RNF157: variants seen among roughly 807,000 people sequenced by gnomAD.
RNF157 encodes E3 ubiquitin ligase RNF157.
RNF157 carries 55 observed loss-of-function variants against 88.3 expected under a neutral mutation model. That is an observed-to-expected ratio of 0.62 (90% CI 0.50 to 0.78). The LOEUF (loss-of-function observed/expected upper bound fraction) is 0.78, where lower values mean the gene tolerates loss of function less well. Ranked by LOEUF, RNF157 falls within the 30% of genes least tolerant of loss-of-function variation. The pLI, the probability that RNF157 is intolerant of heterozygous loss-of-function variation, is 0.00. For synonymous variants in RNF157, 334 were observed against 341.2 expected, an observed-to-expected ratio of 0.98 and a Z score of 0.23; for missense variants, 788 against 860.8, an observed-to-expected ratio of 0.92 and a Z score of 1.06.
chr17:76,155,401 G>C, intron 15 of RNF157, 84 bp from the exon 16 acceptor site: 3 of 1,490,412 alleles, frequency 2.0e-6, no homozygotes. Context: ...CAAAATTGGT[G>C]TCAAATAGGA....
chr17:76,226,947 T>A, intron 1 of RNF157: 1 of 650,772 alleles, frequency 1.5e-6, no homozygotes, highest in Non-Finnish European at 2.6e-6. Context: ...CTGGTGCTGC[T>A]GCCGCCGCTG....
chr17:76,214,793 G>C (rs1313865991), intron 1 of RNF157, among the ~76,000 whole-genome samples: 1 of 152,132 alleles, frequency 6.6e-6, no homozygotes, highest in Non-Finnish European at 1.5e-5. Flanking sequence ...CAGCAGTCAG[G>C]GGCCAAAATT....
At chr17:76,224,644 G>A (rs985710680) in intron 1 of RNF157, among the ~76,000 whole-genome samples, 1 of 151,316 alleles carries the variant, frequency 6.6e-6, no homozygotes, top group Non-Finnish European at 1.5e-5. Flanking sequence ...GACTTCCCTT[G>A]GCCACACTGG....
chr17:76,152,522 T>C, intron 17 of RNF157, 57 bp from the exon 18 acceptor site: 1 of 1,012,742 alleles, frequency 9.9e-7, no homozygotes, highest in Non-Finnish European at 1.6e-6. Context: ...TCTGCGTTGC[T>C]GTCCTTAAAA....
intron 1 of RNF157, among the ~76,000 whole-genome samples, chr17:76,229,754 C>T (rs2070155491): frequency 6.6e-6 from 1 of 152,140 alleles, no homozygotes; most frequent in African/African-American, 2.4e-5. Context: ...GAGTGGCACA[C>T]TAAGGGTACG....
intron 15 of RNF157, 96 bp from the exon 16 acceptor site, chr17:76,155,413 G>T (rs1312843070): frequency 4.8e-6 from 7 of 1,457,340 alleles, no homozygotes; most frequent in Non-Finnish European, 6.7e-6. Flanking sequence ...CAAATAGGAG[G>T]GTCAGACCTA....
Position 76,237,993 on chromosome 17 carries a change from A to T in RNF157, c.88+2160T>A, listed in dbSNP as rs144349041. Among the ~76,000 whole-genome samples, 725 of 151,844 alleles carry T rather than the reference A, an allele frequency of 4.8e-3. 6 individuals are homozygous for T. The highest frequency in any genetic ancestry group is 0.016 in the African/African-American group (683 of 41,398). On this transcript the variant is annotated intron_variant, in intron 1 of 18. Coordinates refer to ENST00000269391, the MANE Select transcript of RNF157 (RefSeq NM_052916.3). ...CAGCTACTTGGGAGACTGAGGCGGG[A>T]GAATTGCTTGAACCCTAGAGGCAGA...
rs927320622 is a variant in RNF157, at chr17:76,154,621, G to T, written c.1765-293C>A. The stretch of plus-strand genomic sequence containing the variant: ...TAGCTGATACTGTTTCTCTAAGGTG[G>T]AAGTAAAAATTACTAAATGAAAGAG... On this transcript the variant is annotated intron_variant, in intron 16 of 18. Coordinates refer to ENST00000269391, the MANE Select transcript of RNF157 (RefSeq NM_052916.3). 9.4e-6 allele frequency: 3 copies of T among 319,758 alleles called. No individual in the cohort carries two copies. The Admixed American group carries it at 1.4e-4, about 15-fold the overall frequency. 19.8% of individuals were successfully genotyped at this position (319,758 alleles called of 1,614,324 possible).
intron 2 of RNF157, among the ~76,000 whole-genome samples, chr17:76,203,446 T>C (rs1347403629): frequency 6.8e-6 from 1 of 147,146 alleles, no homozygotes; most frequent in African/African-American, 2.7e-5. Context: ...GAAGGAAAAG[T>C]AAAAACTTTT....
intron 8 of RNF157, chr17:76,163,719 G>A (rs2144843876): frequency 6.6e-6 from 1 of 152,250 alleles, no homozygotes; most frequent in Admixed American, 6.5e-5. Flanking sequence ...CTAACAAGAG[G>A]AAAATGGACA....
intron 1 of RNF157, among the ~76,000 whole-genome samples, chr17:76,216,564 T>C (rs1384987170): frequency 6.7e-6 from 1 of 148,806 alleles, no homozygotes; most frequent in African/African-American, 2.5e-5. Context: ...CTAGGCAACA[T>C]GGTGAGGCTC....
intron 1 of RNF157, chr17:76,225,712 C>CT (rs1387911457): frequency 1.4e-6 from 2 of 1,435,112 alleles, no homozygotes; most frequent in East Asian, 2.3e-5. Flanking sequence ...AGCAGACACT[C>CT]TATGTACAAG....
intron 1 of RNF157, chr17:76,226,123 A>G: frequency 6.2e-7 from 1 of 1,601,474 alleles, no homozygotes; most frequent in Non-Finnish European, 8.5e-7. Flanking sequence ...GAGACCCCAG[A>G]TAGGACTCTG....
At chr17:76,225,651 A>C in intron 1 of RNF157, 4 of 1,080,262 alleles carry the variant, frequency 3.7e-6, no homozygotes, top group Non-Finnish European at 5.1e-6. Flanking sequence ...TAGTGGCCAA[A>C]TAATATGTAT....
chr17:76,187,037 A>T (rs1357745168), intron 2 of RNF157, among the ~76,000 whole-genome samples: 1 of 152,118 alleles, frequency 6.6e-6, no homozygotes, highest in East Asian at 1.9e-4. Flanking sequence ...ATCAATGGAA[A>T]TAGTTAAGTT....
chr17:76,174,055 C>G (rs554151970), intron 2 of RNF157, among the ~76,000 whole-genome samples: 1 of 151,140 alleles, frequency 6.6e-6, no homozygotes, highest in African/African-American at 2.4e-5. Flanking sequence ...GGTCAGTGTT[C>G]AAAACCTGGA....
Position 76,156,257 on chromosome 17 carries a change from G to A in RNF157, c.1478C>T (p.Ser493Leu), listed in dbSNP as rs748518588. The A allele has an allele frequency of 2.9e-5, 46 of 1,613,968 alleles. No homozygotes were observed. The highest frequency in any genetic ancestry group is 3.5e-5 in the Non-Finnish European group (41 of 1,180,004). ...TGACAGAGGCGTCCCTGTGCAAGACGACTGGTCAATAGCTCCAGATGACGA... is the reference window on the plus strand; with the variant it reads ...TGACAGAGGCGTCCCTGTGCAAGACAACTGGTCAATAGCTCCAGATGACGA... ...TLSSSGAIDQ[S>L]SCTGTPLSST... The change falls in exon 14 of 19, where the codon TCG becomes TTG. Residue 493 changes from serine (S) to leucine (L), a missense_variant. Ser to Leu is a moderately radical substitution (Grantham distance 145). Transcript: ENST00000269391.
chr17:76,146,440 C>G lies in RNF157; in HGVS notation c.1922-1087G>C. On this transcript the variant is annotated intron_variant, in intron 18 of 18. Transcript: ENST00000269391. This position sits in a 1 kb window ranked among gnomAD's most constrained non-coding sequence, Gnocchi z 4.2. ...ATCTCCTGCCCACAGATGAGCTCCT[C>G]CCTCCAGTGCCCTCCCTCCAGTGAG... 1 of 985,488 alleles carries G rather than the reference C, an allele frequency of 1.0e-6. No individual in the cohort carries two copies. Among genetic ancestry groups the G allele is most frequent in the Non-Finnish European group, 1.2e-6 (1 of 829,940 alleles). The allele number at this position is 985,488 out of a possible 1,614,324, so 61.0% of individuals were successfully genotyped here.
rs144334591 is a variant in RNF157 at position 76,173,706 on chromosome 17, C to G, written c.292G>C (p.Val98Leu). 1 of 1,604,584 alleles carries G rather than the reference C, an allele frequency of 6.2e-7. No homozygotes were observed. The change falls in exon 3 of 19, where the codon GTC becomes CTC. Residue 98 changes from valine (V) to leucine (L), a missense_variant. Val to Leu is a conservative substitution (Grantham distance 32). Transcript: ENST00000269391. ...CCCCAGCCTCTGGGAACTTACTTGACGAGCCTCAGTGTGTCCTTTCGGATA... is the reference window on the plus strand; with the variant it reads ...CCCCAGCCTCTGGGAACTTACTTGAGGAGCCTCAGTGTGTCCTTTCGGATA... ...VNIRKDTLRL[V>L]KCAEEVKSPG...
Sources: gnomAD v4.1 joint callset for allele counts (sites outside exome capture counted in the v4.1 genomes callset) on GRCh38, gnomAD v4.1.1 for gene constraint, Gnocchi (gnomAD v3.1) non-coding constraint, MANE v1.5 for transcripts, NCBI Gene and HGNC (gene_info 2026-07-23, HGNC 2026-07-21) for gene names.